Variants in ZFAND3 observed in about 807,000 individuals in gnomAD.
ZFAND3 encodes AN1-type zinc finger protein 3.
In ZFAND3, 10 loss-of-function variants were observed where a neutral mutation model predicts 29.6. The ratio of observed to expected loss-of-function variants is 0.34; its 90% CI spans 0.21 to 0.57. ZFAND3 has a LOEUF of 0.57. Ranked by LOEUF, ZFAND3 falls within the 20% of genes least tolerant of loss-of-function variation. ZFAND3 has a pLI of 0.86. For missense variants in ZFAND3, 230 were observed against 304.5 expected (o/e 0.76, Z 1.82); for synonymous variants, 128 against 112.6 (o/e 1.14, Z -0.87).
intron 1 of ZFAND3, among the ~76,000 whole-genome samples, chr6:37,865,433 CAGAG>C (rs1473781308): frequency 6.6e-6 from 1 of 152,144 alleles, no homozygotes; most frequent in Non-Finnish European, 1.5e-5. Flanking sequence ...CCACATTAAA[CAGAG>C]AGCTGACTGT....
chr6:37,930,955 G>C (rs564067710), intron 2 of ZFAND3, among the ~76,000 whole-genome samples: 1 of 152,256 alleles, frequency 6.6e-6, no homozygotes, highest in South Asian at 2.1e-4. Flanking sequence ...GAGATGACTG[G>C]GAGTTTTAAA....
intron 1 of ZFAND3, among the ~76,000 whole-genome samples, chr6:37,841,568 C>T (rs1764076239): frequency 6.6e-6 from 1 of 152,212 alleles, no homozygotes; most frequent in African/African-American, 2.4e-5. Context: ...ACTGCAAGCT[C>T]TGCCTCCCGG....
intron 2 of ZFAND3, among the ~76,000 whole-genome samples, chr6:38,041,687 CCTT>C (rs1581863379): frequency 5.8e-5 from 1 of 17,230 alleles, no homozygotes; most frequent in East Asian, 1.8e-3. Flanking sequence ...TTCTTCTTCT[CCTT>C]CTCCTTCTCC....
At chr6:37,845,910 C>T (rs1220597003) in intron 1 of ZFAND3, among the ~76,000 whole-genome samples, 1 of 152,122 alleles carries the variant, frequency 6.6e-6, no homozygotes, top group Non-Finnish European at 1.5e-5. Context: ...TTTTTCTTTT[C>T]CTGGTTAGAT....
intron 5 of ZFAND3, among the ~76,000 whole-genome samples, chr6:38,125,996 G>T (rs956574903): frequency 7.2e-5 from 11 of 152,128 alleles, no homozygotes; most frequent in Non-Finnish European, 7.4e-5. Flanking sequence ...AGTTTTAGTA[G>T]ATTTGTGTAA....
At chr6:37,962,482 A>G (rs1762214638) in intron 2 of ZFAND3, among the ~76,000 whole-genome samples, 1 of 152,238 alleles carries the variant, frequency 6.6e-6, no homozygotes, top group Non-Finnish European at 1.5e-5. Context: ...ATATCCAAGT[A>G]CATGTGAGAG....
chr6:38,143,888 A>G (rs1157354804), intron 5 of ZFAND3, among the ~76,000 whole-genome samples: 1 of 152,184 alleles, frequency 6.6e-6, no homozygotes, highest in Non-Finnish European at 1.5e-5. Flanking sequence ...TTCCATTCCC[A>G]AAACACCTGC....
At chr6:37,979,151 A>C (rs1762538315) in intron 2 of ZFAND3, among the ~76,000 whole-genome samples, 1 of 152,056 alleles carries the variant, frequency 6.6e-6, no homozygotes, top group Non-Finnish European at 1.5e-5. Flanking sequence ...TATTGATTTG[A>C]AATCTTTTCT....
Position 38,141,068 on chromosome 6 carries a change from C to CG in ZFAND3, c.530-11163dup, listed in dbSNP as rs766429447. On this transcript the variant is annotated intron_variant, in intron 5 of 5. Coordinates refer to ENST00000287218, the MANE Select transcript of ZFAND3 (RefSeq NM_021943.3). ...CCTTGCAGTTCAGATTTTGTGGAAACGGGGCAAAAGCATGCTTGTACTTCT... is the reference window on the plus strand; with the variant it reads ...CCTTGCAGTTCAGATTTTGTGGAAACGGGGGCAAAAGCATGCTTGTACTTCT... Among the ~76,000 whole-genome samples the CG allele has an allele frequency of 1.3e-3, 174 of 138,608 alleles. 1 individual carries two copies. Among genetic ancestry groups the CG allele is most frequent in the Non-Finnish European group, 8.3e-4 (55 of 66,300 alleles). The allele number at this position is 138,608 out of a possible 152,430, so 90.9% of individuals were successfully genotyped here.
intron 2 of ZFAND3, among the ~76,000 whole-genome samples, chr6:37,998,076 C>A (rs1464367350): frequency 6.6e-6 from 1 of 152,160 alleles, no homozygotes; most frequent in Non-Finnish European, 1.5e-5. Flanking sequence ...TAAAGATGTT[C>A]TTCAATAGGT....
intron 2 of ZFAND3, among the ~76,000 whole-genome samples, chr6:38,060,540 T>C (rs1253675060): frequency 7.2e-6 from 1 of 139,642 alleles, no homozygotes; most frequent in Non-Finnish European, 1.5e-5. Context: ...CCTTTCCCCC[T>C]CTTTCTTTCT....
At chr6:38,102,609 A>C (rs1438005600) in intron 4 of ZFAND3, among the ~76,000 whole-genome samples, 5 of 152,212 alleles carry the variant, frequency 3.3e-5, no homozygotes, top group African/African-American at 9.7e-5. Context: ...AATATAAGTC[A>C]ACAGTAGGAG....
intron 3 of ZFAND3, among the ~76,000 whole-genome samples, chr6:38,081,895 C>A (rs527923373): frequency 4.6e-5 from 7 of 152,012 alleles, no homozygotes; most frequent in East Asian, 1.9e-4. Flanking sequence ...GAAAATGATT[C>A]TTATTTCTTC....
Position 38,153,164 on chromosome 6 carries a change from G to T in ZFAND3, c.*775G>T. ...CTCCGCCGGCTCTGGTCTGCCATTCGCCAGTGCAGGGATCTGGCACGGACC... is the reference window on the plus strand; with the variant it reads ...CTCCGCCGGCTCTGGTCTGCCATTCTCCAGTGCAGGGATCTGGCACGGACC... On this transcript the variant is annotated 3_prime_UTR_variant, in exon 6 of 6. Transcript: ENST00000287218. The T allele has an allele frequency of 1.0e-6, 1 of 985,482 alleles. No individual in the cohort carries two copies. Among genetic ancestry groups the T allele is most frequent in the Non-Finnish European group, 1.2e-6 (1 of 829,952 alleles). The allele number at this position is 985,482 out of a possible 1,614,324, so 61.0% of individuals were successfully genotyped here.
At chr6:37,913,958 C>T (rs1482625502) in intron 1 of ZFAND3, among the ~76,000 whole-genome samples, 2 of 151,944 alleles carry the variant, frequency 1.3e-5, no homozygotes, top group Non-Finnish European at 2.9e-5. Flanking sequence ...CTCCTGACCT[C>T]AGGTGTTCTG....
chr6:38,152,266 C>A lies in ZFAND3; in HGVS notation c.561C>A (p.Pro187=). The change falls in exon 6 of 6, where the codon CCC becomes CCA. Residue 187 remains proline, a synonymous_variant. Coordinates refer to ENST00000287218, the MANE Select transcript of ZFAND3 (RefSeq NM_021943.3). The stretch of plus-strand genomic sequence containing the variant: ...TGTTCTGTATGTTACATCGCCTCCC[C>A]GAGCAGCACGACTGCACATTCGACC... The part of the protein sequence containing the change: ...GYVFCMLHRL[P]EQHDCTFDHM... 1 of 1,584,688 alleles carries A rather than the reference C, an allele frequency of 6.3e-7. No individual in the cohort carries two copies.
intron 1 of ZFAND3, among the ~76,000 whole-genome samples, chr6:37,831,690 G>T (rs1763865014): frequency 6.6e-6 from 1 of 152,118 alleles, no homozygotes; most frequent in Non-Finnish European, 1.5e-5. Context: ...ACATGAAGAT[G>T]GTAAGGAGGG....
chr6:37,880,188 G>A (rs978894172), intron 1 of ZFAND3, among the ~76,000 whole-genome samples: 2 of 152,186 alleles, frequency 1.3e-5, no homozygotes, highest in African/African-American at 4.8e-5. Flanking sequence ...GGCTGTCATG[G>A]TACTTGAAGC....
At chr6:37,919,901 C>G (rs1478029372) in intron 1 of ZFAND3, among the ~76,000 whole-genome samples, 1 of 152,308 alleles carries the variant, frequency 6.6e-6, no homozygotes, top group South Asian at 2.1e-4. Context: ...ATGAGAACTT[C>G]ACTGTCTCAG....
Sources: allele counts gnomAD v4.1 joint callset (sites outside exome capture counted in the v4.1 genomes callset), GRCh38; gene constraint gnomAD v4.1.1; transcripts MANE v1.5; gene names NCBI Gene and HGNC (gene_info 2026-07-23, HGNC 2026-07-21).